The following EBF2 variants were observed in gnomAD, a reference collection of about 807,000 sequenced individuals.
EBF2 encodes EBF transcription factor 2, also known as transcription factor COE2.
A neutral mutation model predicts 72.8 loss-of-function variants in EBF2; 21 were observed. That is an observed-to-expected ratio of 0.29 (90% CI 0.20 to 0.42). The LOEUF (loss-of-function observed/expected upper bound fraction) is 0.42, where lower values mean the gene tolerates loss of function less well. EBF2 is among the 10% of genes least tolerant of loss of function. The pLI is 1.00. For synonymous variants in EBF2, 299 were observed against 274.2 expected, an observed-to-expected ratio of 1.09 and a Z score of -0.89; for missense variants, 637 against 731.2, an observed-to-expected ratio of 0.87 and a Z score of 1.49.
intron 6 of EBF2, among the ~76,000 whole-genome samples, chr8:26,002,807 T>C (rs1019514790): frequency 6.6e-6 from 1 of 150,494 alleles, no homozygotes; most frequent in African/African-American, 2.5e-5. Flanking sequence ...GTTGCAGATT[T>C]GATGTTAAAG....
intron 10 of EBF2, among the ~76,000 whole-genome samples, chr8:25,879,309 A>G (rs1195664798): frequency 6.6e-6 from 1 of 152,200 alleles, no homozygotes; most frequent in Non-Finnish European, 1.5e-5. Context: ...TGTTTAATGA[A>G]TCCCCTAATG....
chr8:25,884,064 T>A (rs972227483), intron 10 of EBF2, among the ~76,000 whole-genome samples: 3 of 152,144 alleles, frequency 2.0e-5, no homozygotes, highest in African/African-American at 7.2e-5. Context: ...AGATGCTGGT[T>A]GCTCCTCTGC....
At chr8:26,000,195 T>A (rs1346367167) in intron 6 of EBF2, among the ~76,000 whole-genome samples, 1 of 152,202 alleles carries the variant, frequency 6.6e-6, no homozygotes. Context: ...CCCAGCCTTC[T>A]GTTTGGCTTT....
chr8:25,955,219 T>A (rs888735762), intron 6 of EBF2, among the ~76,000 whole-genome samples: 4 of 152,168 alleles, frequency 2.6e-5, no homozygotes, highest in African/African-American at 9.7e-5. Context: ...CCTCCAAAGG[T>A]GCTGGGAGTT....
rs546652748 is a variant in EBF2, at chr8:26,041,071, T to C, written c.289-69A>G. On this transcript the variant is annotated intron_variant, in intron 2 of 15. Transcript: ENST00000520164. ...CCAAAATGAGGGAAAGAGGAGACAG[T>C]GAATCCCCACCTCACATCCCTTCTC... 3 of 1,558,954 alleles carry C rather than the reference T, an allele frequency of 1.9e-6. No homozygotes were observed. The African/African-American group carries it at 4.1e-5, about 21-fold the overall frequency.
intron 6 of EBF2, among the ~76,000 whole-genome samples, chr8:25,934,813 GA>G (rs1445751729): frequency 1.3e-5 from 2 of 152,116 alleles, no homozygotes; most frequent in Non-Finnish European, 2.9e-5. Context: ...TCTGCTTTTT[GA>G]AAAAATCCTT....
intron 6 of EBF2, among the ~76,000 whole-genome samples, chr8:25,976,396 A>G (rs959130721): frequency 6.6e-6 from 1 of 152,192 alleles, no homozygotes; most frequent in Admixed American, 6.5e-5. Flanking sequence ...GTAGTCCCCT[A>G]TAGAACCCAA....
At chr8:25,884,677 C>T (rs576441935) in intron 10 of EBF2, among the ~76,000 whole-genome samples, 2 of 152,268 alleles carry the variant, frequency 1.3e-5, no homozygotes, top group East Asian at 3.9e-4. Flanking sequence ...GTCATAAATA[C>T]TAGTTTGAAT....
At chr8:25,944,241 T>C (rs559323284) in intron 6 of EBF2, among the ~76,000 whole-genome samples, 1 of 152,312 alleles carries the variant, frequency 6.6e-6, no homozygotes, top group Admixed American at 6.5e-5. Context: ...AATGAACTCA[T>C]ATCCTAAAGT....
chr8:25,980,356 T>C (rs2117198413), intron 6 of EBF2, among the ~76,000 whole-genome samples: 1 of 152,318 alleles, frequency 6.6e-6, no homozygotes, highest in Middle Eastern at 3.4e-3. Context: ...TGATTCTTCC[T>C]TCTTTTAAAG....
chr8:25,850,528 C>CTGTT (rs1045842154), intron 15 of EBF2, 66 bp downstream of exon 15: 57 of 1,448,452 alleles, frequency 3.9e-5, no homozygotes, highest in Middle Eastern at 4.8e-4. Flanking sequence ...CAATGATGTG[C>CTGTT]TGTTTGCTCT....
intron 6 of EBF2, among the ~76,000 whole-genome samples, chr8:25,968,577 C>T (rs1804147639): frequency 6.6e-6 from 1 of 152,042 alleles, no homozygotes; most frequent in Admixed American, 6.6e-5. Context: ...TGTTTGTTTG[C>T]TTCAGATGGA....
At chr8:25,858,640 T>C (rs1585261811) in intron 13 of EBF2, 136 bp from the exon 14 acceptor site, 3 of 471,190 alleles carry the variant, frequency 6.4e-6, no homozygotes, top group Non-Finnish European at 1.1e-5. Context: ...AAGTGTGCAG[T>C]CCATCTTTAG....
At chr8:25,848,268 C>T (rs1193695948) in intron 15 of EBF2, among the ~76,000 whole-genome samples, 1 of 152,308 alleles carries the variant, frequency 6.6e-6, no homozygotes, top group Admixed American at 6.5e-5. Flanking sequence ...AAGCTAGAGC[C>T]TAGAGCCTGT....
intron 6 of EBF2, among the ~76,000 whole-genome samples, chr8:26,025,404 T>C (rs1170668115): frequency 1.3e-5 from 2 of 152,174 alleles, no homozygotes; most frequent in Admixed American, 6.5e-5. Context: ...GCTTGATGAC[T>C]GAATAACATA....
intron 6 of EBF2, among the ~76,000 whole-genome samples, chr8:26,000,710 A>G (rs1336196025): frequency 6.6e-6 from 1 of 152,214 alleles, no homozygotes; most frequent in Middle Eastern, 3.2e-3. Flanking sequence ...AGTTAAGCAA[A>G]CTAATCTTGA....
At chr8:25,893,756 T>C (rs1474952079) in intron 7 of EBF2, among the ~76,000 whole-genome samples, 1 of 152,222 alleles carries the variant, frequency 6.6e-6, no homozygotes, top group Non-Finnish European at 1.5e-5. Context: ...ATATGGGGCT[T>C]TCACAAGCCA....
At chr8:25,927,396 A>G (rs1405460853) in intron 6 of EBF2, among the ~76,000 whole-genome samples, 1 of 150,146 alleles carries the variant, frequency 6.7e-6, no homozygotes, top group Admixed American at 6.7e-5. Context: ...TATACACATC[A>G]TGTATATTAT....
intron 7 of EBF2, among the ~76,000 whole-genome samples, chr8:25,902,936 C>T (rs577089720): frequency 6.6e-6 from 1 of 152,312 alleles, no homozygotes; most frequent in South Asian, 2.1e-4. Context: ...CAGATGAGAA[C>T]TTCTGGGACA....
Sources: allele counts gnomAD v4.1 joint callset (sites outside exome capture counted in the v4.1 genomes callset), GRCh38; gene constraint gnomAD v4.1.1; transcripts MANE v1.5; gene names NCBI Gene and HGNC (gene_info 2026-07-23, HGNC 2026-07-21).